TNKS: variants seen among roughly 807,000 people sequenced by gnomAD.
The protein encoded by TNKS is poly [ADP-ribose] polymerase tankyrase-1.
In TNKS, 72 loss-of-function variants were observed where a neutral mutation model predicts 135.8. The ratio of observed to expected loss-of-function variants is 0.53; its 90% CI spans 0.44 to 0.64. The LOEUF (loss-of-function observed/expected upper bound fraction) is 0.64. Among genes scored for constraint, TNKS ranks in the 30% least tolerant of loss-of-function variants. The pLI, the probability that TNKS is intolerant of heterozygous loss-of-function variation, is 0.00. For missense variants in TNKS, 1,769 were observed against 1,674.0 expected (o/e 1.06, Z -0.99); for synonymous variants, 849 against 649.3 (o/e 1.31, Z -4.68).
chr8:9,657,305 C>T (rs1801432800), intron 3 of TNKS, among the ~76,000 whole-genome samples: 2 of 79,428 alleles, frequency 2.5e-5, no homozygotes, highest in African/African-American at 9.2e-5. Context: ...GGGGCCGACC[C>T]CCCCACCTCC....
chr8:9,628,418 C>CTT (rs1014942047), intron 3 of TNKS, among the ~76,000 whole-genome samples: 142 of 152,222 alleles, frequency 9.3e-4, no homozygotes, highest in African/African-American at 3.3e-3. Flanking sequence ...CCGTTGGCCA[C>CTT]TTTCTCGTGG....
chr8:9,561,096 C>T (rs567201144), intron 1 of TNKS, among the ~76,000 whole-genome samples: 20 of 152,254 alleles, frequency 1.3e-4, no homozygotes, highest in African/African-American at 4.1e-4. Context: ...ATGTGTATTC[C>T]TACATATATG....
At chr8:9,661,082 G>A (rs1450713967) in intron 3 of TNKS, among the ~76,000 whole-genome samples, 1 of 151,964 alleles carries the variant, frequency 6.6e-6, no homozygotes, top group Non-Finnish European at 1.5e-5. Context: ...TGAAATAAAA[G>A]AGGATACAAA....
At chr8:9,717,101 A>ATATATATATATATT (rs1454492300) in intron 11 of TNKS, among the ~76,000 whole-genome samples, 26 of 119,314 alleles carry the variant, frequency 2.2e-4, no homozygotes, top group African/African-American at 4.9e-4. Flanking sequence ...ATATATATAT[A>ATATATATATATATT]TTTTCAGGGA....
At chr8:9,568,898 TCTG>T (rs999731231) in intron 1 of TNKS, among the ~76,000 whole-genome samples, 20 of 152,256 alleles carry the variant, frequency 1.3e-4, no homozygotes, top group African/African-American at 4.8e-4. Context: ...TTTTTATACT[TCTG>T]CTGTGTTAGA....
intron 2 of TNKS, among the ~76,000 whole-genome samples, chr8:9,610,302 T>A (rs569326471): frequency 0.083 from 12,579 of 150,994 alleles, 555 homozygotes; most frequent in South Asian, 0.18. Flanking sequence ...ATCTATAATA[T>A]ATATATACTG....
intron 22 of TNKS, among the ~76,000 whole-genome samples, chr8:9,763,952 G>C (rs1366584803): frequency 6.6e-6 from 1 of 152,070 alleles, no homozygotes; most frequent in African/African-American, 2.4e-5. Flanking sequence ...CTTGCATAGG[G>C]AACTCAGGAC....
intron 3 of TNKS, among the ~76,000 whole-genome samples, chr8:9,678,284 C>T (rs1319991160): frequency 6.6e-6 from 1 of 152,168 alleles, no homozygotes; most frequent in East Asian, 1.9e-4. Flanking sequence ...TCACAAGGAG[C>T]TTTTAAAGTT....
At chr8:9,580,850 T>G (rs1798137798) in intron 2 of TNKS, among the ~76,000 whole-genome samples, 1 of 152,204 alleles carries the variant, frequency 6.6e-6, no homozygotes, top group Non-Finnish European at 1.5e-5. Context: ...CGTTTCAATA[T>G]GTGCCATAGT....
chr8:9,761,486 T>C (rs1807145675), intron 20 of TNKS, 30 bp from the exon 21 acceptor site: 3 of 1,611,450 alleles, frequency 1.9e-6, no homozygotes, highest in Non-Finnish European at 1.7e-6. Context: ...CTGTTAAAGA[T>C]ATCCTAGCTA....
At chr8:9,707,030 T>G in intron 8 of TNKS, 33 bp downstream of exon 8, 1 of 1,502,618 alleles carries the variant, frequency 6.7e-7, no homozygotes, top group Non-Finnish European at 8.9e-7. Flanking sequence ...CATTATCGCA[T>G]AAATTGGAAT....
chr8:9,572,699 C>G (rs1797801516), intron 1 of TNKS, among the ~76,000 whole-genome samples: 1 of 152,166 alleles, frequency 6.6e-6, no homozygotes. Context: ...CTATATACCC[C>G]TCTATAATTT....
chr8:9,766,223 G>C lies in TNKS; in HGVS notation c.3554-16G>C, dbSNP rs756736699. ...AAAGTGTTCAAAAACGAATCTTTCT[G>C]TCTTCGTATTTCTAGGTTCTCCTTT... On this transcript the variant is annotated splice_polypyrimidine_tract_variant and intron_variant, in intron 24 of 26. Coordinates refer to ENST00000310430, the MANE Select transcript of TNKS (RefSeq NM_003747.3). The C allele has an allele frequency of 6.3e-7, 1 of 1,590,780 alleles. No homozygotes were observed. Among genetic ancestry groups the C allele is most frequent in the South Asian group, 1.1e-5 (1 of 88,650 alleles).
intron 18 of TNKS, among the ~76,000 whole-genome samples, chr8:9,750,870 G>A (rs185749523): frequency 8.7e-4 from 132 of 152,306 alleles, no homozygotes; most frequent in African/African-American, 3.0e-3. Flanking sequence ...CTTTCATCCC[G>A]CAGGGCTCTC....
intron 11 of TNKS, 112 bp downstream of exon 11, chr8:9,710,332 A>G (rs1465988311): frequency 1.1e-5 from 10 of 929,360 alleles, no homozygotes; most frequent in African/African-American, 5.0e-5. Flanking sequence ...ATAAAGGACT[A>G]TTAGTTCGTA....
At chr8:9,641,985 G>A (rs1263169816) in intron 3 of TNKS, among the ~76,000 whole-genome samples, 1 of 146,088 alleles carries the variant, frequency 6.8e-6, no homozygotes, top group African/African-American at 2.5e-5. Context: ...TGGACACCTC[G>A]AATTTCAATT....
At chr8:9,567,997 C>G (rs1040404194) in intron 1 of TNKS, among the ~76,000 whole-genome samples, 1 of 152,038 alleles carries the variant, frequency 6.6e-6, no homozygotes, top group Non-Finnish European at 1.5e-5. Flanking sequence ...TGTCCTGGAG[C>G]GTTTCTTAAT....
At chr8:9,615,032 C>T (rs1799587695) in intron 2 of TNKS, among the ~76,000 whole-genome samples, 1 of 152,126 alleles carries the variant, frequency 6.6e-6, no homozygotes, top group African/African-American at 2.4e-5. Flanking sequence ...CAGCTCCACG[C>T]CAGGGGACCA....
chr8:9,780,883 A>G lies in TNKS; in HGVS notation c.*4147A>G, dbSNP rs1808432212. On this transcript the variant is annotated 3_prime_UTR_variant, in exon 27 of 27. Transcript: ENST00000310430. Reference sequence around the variant, plus strand: ...CCATATTGGAACTTCCTCAGCTACCAGATTTCTGGTTTGGAGAAGTGCTGG... The same window carrying G: ...CCATATTGGAACTTCCTCAGCTACCGGATTTCTGGTTTGGAGAAGTGCTGG... The G allele has an allele frequency of 6.6e-6, 1 of 152,220 alleles. No individual in the cohort carries two copies. Among genetic ancestry groups the G allele is most frequent in the South Asian group, 2.1e-4 (1 of 4,834 alleles). 9.4% of individuals were successfully genotyped at this position (152,220 alleles called of 1,614,324 possible).
Sources: gnomAD v4.1 joint callset for allele counts (sites outside exome capture counted in the v4.1 genomes callset) on GRCh38, gnomAD v4.1.1 for gene constraint, MANE v1.5 for transcripts, NCBI Gene and HGNC (gene_info 2026-07-23, HGNC 2026-07-21) for gene names.